The following FAM135B variants were observed in gnomAD, a reference collection of about 807,000 sequenced individuals.
FAM135B encodes family with sequence similarity 135 member B, also known as protein FAM135B.
FAM135B carries 43 observed loss-of-function variants against 127.7 expected under a neutral mutation model. That is an observed-to-expected ratio of 0.34 (90% CI 0.26 to 0.43). FAM135B has a LOEUF of 0.43. Among genes scored for constraint, FAM135B ranks in the 20% least tolerant of loss-of-function variants. The pLI, the probability that FAM135B is intolerant of heterozygous loss-of-function variation, is 1.00. For missense variants in FAM135B, 1,558 were observed against 1,725.6 expected (o/e 0.90, Z 1.72); for synonymous variants, 670 against 665.1 (o/e 1.01, Z -0.11).
intron 11 of FAM135B, among the ~76,000 whole-genome samples, chr8:138,176,884 A>T (rs999456860): frequency 1.3e-5 from 2 of 151,892 alleles, no homozygotes; most frequent in Non-Finnish European, 2.9e-5. Flanking sequence ...GTACCTTTCA[A>T]TTTTTTTTCT....
chr8:138,447,590 T>G (rs1587478665), intron 1 of FAM135B, among the ~76,000 whole-genome samples: 1 of 135,940 alleles, frequency 7.4e-6, no homozygotes, highest in East Asian at 2.1e-4. Context: ...CACTCATAGG[T>G]GGGAATTGAA....
At chr8:138,137,388 G>C (rs1173831893) in intron 18 of FAM135B, 128 bp from the exon 19 acceptor site, 1 of 664,304 alleles carries the variant, frequency 1.5e-6, no homozygotes, top group African/African-American at 1.8e-5. Flanking sequence ...ACACACTAGT[G>C]TCATCACACA....
At chr8:138,445,170 C>G (rs997465555) in intron 1 of FAM135B, among the ~76,000 whole-genome samples, 5 of 152,060 alleles carry the variant, frequency 3.3e-5, no homozygotes, top group African/African-American at 9.7e-5. Context: ...AATAGCTTAC[C>G]AACCAAAAAA....
intron 3 of FAM135B, among the ~76,000 whole-genome samples, chr8:138,279,504 G>T (rs1824094460): frequency 6.6e-6 from 1 of 152,186 alleles, no homozygotes; most frequent in Non-Finnish European, 1.5e-5. Flanking sequence ...GCAGAATTTA[G>T]CACTTATAAG....
At chr8:138,136,242 T>C (rs566231035) in intron 19 of FAM135B, among the ~76,000 whole-genome samples, 2 of 152,210 alleles carry the variant, frequency 1.3e-5, no homozygotes, top group South Asian at 4.1e-4. Context: ...TAGCACCAAA[T>C]CTTTGGACCT....
At chr8:138,474,315 A>C (rs1814270949) in intron 1 of FAM135B, among the ~76,000 whole-genome samples, 1 of 152,150 alleles carries the variant, frequency 6.6e-6, no homozygotes, top group African/African-American at 2.4e-5. Flanking sequence ...ACCTAGGGCA[A>C]ATTATGTACT....
In FAM135B at chr8:138,132,720, T is replaced by A. The variant is rs776299514; in HGVS notation, c.4094A>T (p.Asn1365Ile). The A allele has an allele frequency of 1.2e-6, 2 of 1,613,942 alleles. No individual in the cohort carries two copies. The highest frequency in any genetic ancestry group is 1.7e-6 in the Non-Finnish European group (2 of 1,179,988). The change falls in exon 20 of 20, where the codon AAC becomes ATC. Residue 1365 changes from asparagine (N) to isoleucine (I), a missense_variant. Coordinates refer to ENST00000395297, the MANE Select transcript of FAM135B (RefSeq NM_015912.4). The surrounding 1 kb of genome is among the most constrained non-coding windows in gnomAD (Gnocchi z 4.5). Reference protein sequence around the residue: ...EAKDCTLIRHNVFHALPNTAN... With the variant: ...EAKDCTLIRHIVFHALPNTAN... ...AGTGTTGGGCAGGGCGTGGAACACGTTGTGTCGGATTAAAGTGCAGTCCTT... is the reference window on the plus strand; with the variant it reads ...AGTGTTGGGCAGGGCGTGGAACACGATGTGTCGGATTAAAGTGCAGTCCTT...
intron 3 of FAM135B, among the ~76,000 whole-genome samples, chr8:138,301,164 C>G (rs914785316): frequency 6.6e-6 from 1 of 152,138 alleles, no homozygotes; most frequent in Non-Finnish European, 1.5e-5. Flanking sequence ...CATTGAGGAA[C>G]TCTGCACTAT....
chr8:138,300,121 T>A (rs1049091347), intron 3 of FAM135B, among the ~76,000 whole-genome samples: 4 of 152,034 alleles, frequency 2.6e-5, no homozygotes, highest in Non-Finnish European at 5.9e-5. Flanking sequence ...GCACTATTTT[T>A]TAAAGGGCTC....
intron 9 of FAM135B, among the ~76,000 whole-genome samples, chr8:138,181,209 C>G (rs1314454200): frequency 1.3e-5 from 2 of 152,092 alleles, no homozygotes; most frequent in Admixed American, 6.5e-5. Flanking sequence ...CCACTACACT[C>G]CAGCCTGGAG....
rs576311469 is a variant in FAM135B at position 138,241,059 on chromosome 8, G to T, written c.669+1883C>A. Among the ~76,000 whole-genome samples, 1 of 152,016 alleles carries T rather than the reference G, an allele frequency of 6.6e-6. No individual in the cohort carries two copies. The highest frequency in any genetic ancestry group is 1.5e-5 in the Non-Finnish European group (1 of 68,032). On this transcript the variant is annotated intron_variant, in intron 7 of 19. Transcript: ENST00000395297. This position sits in a 1 kb window ranked among gnomAD's most constrained non-coding sequence, Gnocchi z 4.8. ...TGAAACTCTGGGTGCCAGCCCACGT[G>T]GGGGCTGAAGGAAGGAAGACTGGAC...
intron 7 of FAM135B, among the ~76,000 whole-genome samples, chr8:138,199,438 T>C (rs2131155397): frequency 6.6e-6 from 1 of 152,258 alleles, no homozygotes; most frequent in South Asian, 2.1e-4. Flanking sequence ...GGAACTGCAT[T>C]GCATTGTCCT....
At chr8:138,256,655 G>A (rs1017536236) in intron 5 of FAM135B, 34 bp downstream of exon 5, 1 of 1,570,544 alleles carries the variant, frequency 6.4e-7, no homozygotes, top group Non-Finnish European at 8.8e-7. Flanking sequence ...AGAGCACTGT[G>A]CTACTACAAT....
chr8:138,266,722 C>A (rs908019286), intron 3 of FAM135B, among the ~76,000 whole-genome samples: 2 of 146,762 alleles, frequency 1.4e-5, no homozygotes, highest in African/African-American at 5.1e-5. Flanking sequence ...CGAACTCCTC[C>A]AAATTACTTC....
chr8:138,140,309 T>C (rs1021503035), intron 17 of FAM135B, among the ~76,000 whole-genome samples: 3 of 152,232 alleles, frequency 2.0e-5, no homozygotes, highest in Non-Finnish European at 4.4e-5. Context: ...GCCTGGAAGA[T>C]TGCAGGGACA....
intron 1 of FAM135B, among the ~76,000 whole-genome samples, chr8:138,377,431 G>A (rs1177826840): frequency 1.3e-5 from 2 of 152,270 alleles, no homozygotes; most frequent in Non-Finnish European, 2.9e-5. Context: ...TTGGCTCATG[G>A]TTGTGGAGGC....
intron 1 of FAM135B, among the ~76,000 whole-genome samples, chr8:138,420,925 C>G (rs967969812): frequency 2.6e-5 from 4 of 152,168 alleles, no homozygotes; most frequent in Non-Finnish European, 4.4e-5. Flanking sequence ...TCCCCTTGAG[C>G]ACTGGAACCA....
intron 2 of FAM135B, among the ~76,000 whole-genome samples, chr8:138,332,499 C>T (rs773494543): frequency 9.9e-5 from 15 of 152,082 alleles, no homozygotes; most frequent in South Asian, 2.1e-4. Flanking sequence ...AACAAAGTCA[C>T]GTGTGGATTT....
intron 1 of FAM135B, among the ~76,000 whole-genome samples, chr8:138,411,900 C>T (rs970033987): frequency 6.6e-6 from 1 of 152,168 alleles, no homozygotes; most frequent in East Asian, 1.9e-4. Context: ...GAAACAAAAT[C>T]ATGTCCTTTG....
Sources: gnomAD v4.1 joint callset for allele counts (sites outside exome capture counted in the v4.1 genomes callset) on GRCh38, gnomAD v4.1.1 for gene constraint, Gnocchi (gnomAD v3.1) non-coding constraint, MANE v1.5 for transcripts, NCBI Gene and HGNC (gene_info 2026-07-23, HGNC 2026-07-21) for gene names.